The following ARHGAP24 variants were observed in gnomAD, a reference collection of about 807,000 sequenced individuals.
ARHGAP24 encodes the protein Rho GTPase activating protein 24, also known as rho GTPase-activating protein 24.
In ARHGAP24, 50 loss-of-function variants were observed where a neutral mutation model predicts 76.4. That is an observed-to-expected ratio of 0.65 (90% CI 0.52 to 0.83). ARHGAP24 has a LOEUF of 0.83. ARHGAP24 is among the 40% of genes least tolerant of loss of function. The pLI is 0.00. For missense variants in ARHGAP24, 930 were observed against 914.2 expected (o/e 1.02, Z -0.22); for synonymous variants, 345 against 323.3 (o/e 1.07, Z -0.72).
At chr4:85,965,397 G>T (rs1738531638) in intron 5 of ARHGAP24, among the ~76,000 whole-genome samples, 1 of 152,110 alleles carries the variant, frequency 6.6e-6, no homozygotes, top group South Asian at 2.1e-4. Context: ...AGAGCTACAA[G>T]ATGAGATTTG....
chr4:85,496,483 A>G (rs562629912), intron 1 of ARHGAP24, among the ~76,000 whole-genome samples: 3 of 152,366 alleles, frequency 2.0e-5, no homozygotes, highest in African/African-American at 7.2e-5. Context: ...TTCTCTGAAG[A>G]AATATATTTC....
intron 2 of ARHGAP24, among the ~76,000 whole-genome samples, chr4:85,702,011 C>T (rs1389117596): frequency 6.6e-6 from 1 of 152,128 alleles, no homozygotes; most frequent in African/African-American, 2.4e-5. Flanking sequence ...GTCCAAAAGT[C>T]CATCAACCCA....
chr4:85,773,436 A>G (rs945809856), intron 3 of ARHGAP24, among the ~76,000 whole-genome samples: 1 of 152,140 alleles, frequency 6.6e-6, no homozygotes, highest in African/African-American at 2.4e-5. Flanking sequence ...TGCCAGCTCT[A>G]TATAACTACT....
chr4:85,557,076 A>G (rs1258757350), intron 1 of ARHGAP24, among the ~76,000 whole-genome samples: 4 of 152,182 alleles, frequency 2.6e-5, no homozygotes, highest in African/African-American at 4.8e-5. Flanking sequence ...TGGGTTGCAG[A>G]GAAACAAAAA....
chr4:85,949,396 A>G (rs1303754717), intron 5 of ARHGAP24, among the ~76,000 whole-genome samples: 1 of 152,226 alleles, frequency 6.6e-6, no homozygotes, highest in Non-Finnish European at 1.5e-5. Context: ...TGCTCGGCAG[A>G]AAAGCTCTGT....
At chr4:85,538,326 C>G in intron 1 of ARHGAP24, among the ~76,000 whole-genome samples, 1 of 151,958 alleles carries the variant, frequency 6.6e-6, no homozygotes, top group East Asian at 1.9e-4. Context: ...TTGAGTACAC[C>G]GTAGTTATAT....
At chr4:85,699,139 A>C (rs1316099933) in intron 2 of ARHGAP24, among the ~76,000 whole-genome samples, 1 of 152,182 alleles carries the variant, frequency 6.6e-6, no homozygotes, top group Non-Finnish European at 1.5e-5. Context: ...TGTCCCATCT[A>C]TTCTTTGCTT....
intron 2 of ARHGAP24, among the ~76,000 whole-genome samples, chr4:85,594,427 G>T (rs958495768): frequency 2.6e-5 from 4 of 151,896 alleles, no homozygotes; most frequent in Admixed American, 6.6e-5. Context: ...TTTCCAATTT[G>T]GTCGCCCCTT....
At chr4:85,977,880 T>C (rs559620133) in intron 8 of ARHGAP24, among the ~76,000 whole-genome samples, 189 bp downstream of exon 8, 1 of 152,348 alleles carries the variant, frequency 6.6e-6, no homozygotes, top group South Asian at 2.1e-4. Flanking sequence ...TTGTGTTTAC[T>C]AAACATAAAA....
chr4:85,973,830 A>ATTG (rs1739135456), intron 6 of ARHGAP24, among the ~76,000 whole-genome samples: 4 of 36,966 alleles, frequency 1.1e-4, no homozygotes, highest in African/African-American at 6.4e-4. Context: ...ACTGCTGCCT[A>ATTG]TTGTTTTTTT....
At chr4:85,587,688 A>T (rs1026688968) in intron 2 of ARHGAP24, among the ~76,000 whole-genome samples, 1 of 152,186 alleles carries the variant, frequency 6.6e-6, no homozygotes, top group Non-Finnish European at 1.5e-5. Flanking sequence ...AAATAAGTGC[A>T]GTTCCATCAA....
chr4:85,993,191 G>A (rs1740438910), intron 8 of ARHGAP24, among the ~76,000 whole-genome samples: 1 of 152,166 alleles, frequency 6.6e-6, no homozygotes, highest in Non-Finnish European at 1.5e-5. Flanking sequence ...TGATTCAGAA[G>A]CTCTGCATTG....
chr4:85,993,139 G>A lies in ARHGAP24; in HGVS notation c.929-1444G>A, dbSNP rs894204667. Reference sequence around the variant, plus strand: ...GGGAAACATTTGCATCTACTACAGTGTTTCTCAAAGTGTAATGCACCCAGG... The same window carrying A: ...GGGAAACATTTGCATCTACTACAGTATTTCTCAAAGTGTAATGCACCCAGG... On this transcript the variant is annotated intron_variant, in intron 8 of 9. Transcript: ENST00000395184. Among the ~76,000 whole-genome samples, 37 of 152,116 alleles carry A rather than the reference G, an allele frequency of 2.4e-4. 1 individual carries two copies. The highest frequency in any genetic ancestry group is 8.9e-4 in the African/African-American group (37 of 41,428).
chr4:85,795,997 C>A (rs1300761287), intron 3 of ARHGAP24, among the ~76,000 whole-genome samples: 2 of 152,114 alleles, frequency 1.3e-5, no homozygotes, highest in African/African-American at 4.8e-5. Flanking sequence ...ACAGAGTTCC[C>A]AGAATTCCCT....
intron 3 of ARHGAP24, among the ~76,000 whole-genome samples, chr4:85,802,856 G>T (rs988794226): frequency 1.3e-5 from 2 of 152,182 alleles, no homozygotes; most frequent in African/African-American, 4.8e-5. Context: ...GAGACTATCA[G>T]ATTTAAAGTA....
chr4:85,579,852 C>T (rs975488814), intron 2 of ARHGAP24, among the ~76,000 whole-genome samples: 6 of 152,074 alleles, frequency 3.9e-5, no homozygotes, highest in African/African-American at 1.2e-4. Flanking sequence ...ATCCATTTGT[C>T]GGTTGATGGA....
intron 3 of ARHGAP24, among the ~76,000 whole-genome samples, chr4:85,753,187 C>A (rs181603049): frequency 1.3e-5 from 2 of 152,016 alleles, no homozygotes; most frequent in Admixed American, 6.6e-5. Flanking sequence ...AAAGCCCATT[C>A]GAGAATGAAA....
intron 3 of ARHGAP24, among the ~76,000 whole-genome samples, chr4:85,857,296 A>G (rs759367321): frequency 2.6e-5 from 4 of 152,216 alleles, no homozygotes; most frequent in Non-Finnish European, 5.9e-5. Flanking sequence ...ATTTATTTAC[A>G]CTTTACAAAC....
chr4:85,751,042 C>T (rs1253720780), intron 3 of ARHGAP24, among the ~76,000 whole-genome samples: 1 of 152,136 alleles, frequency 6.6e-6, no homozygotes, highest in Non-Finnish European at 1.5e-5. Flanking sequence ...GAGTTACAGC[C>T]TTCAAATCAT....
Sources: gnomAD v4.1 joint callset for allele counts (sites outside exome capture counted in the v4.1 genomes callset) on GRCh38, gnomAD v4.1.1 for gene constraint, MANE v1.5 for transcripts, NCBI Gene and HGNC (gene_info 2026-07-23, HGNC 2026-07-21) for gene names.